Variants in CABP1 observed in about 807,000 individuals in gnomAD.
CABP1 encodes calcium-binding protein 1.
CABP1 carries 17 observed loss-of-function variants against 34.3 expected under a neutral mutation model. The observed-to-expected ratio is 0.50, with a 90% CI of 0.34 to 0.74. The LOEUF (loss-of-function observed/expected upper bound fraction) is 0.74, where lower values mean the gene tolerates loss of function less well. CABP1 is among the 30% of genes least tolerant of loss of function. The pLI is 0.01. For missense variants in CABP1, 373 were observed against 511.1 expected (o/e 0.73, Z 2.61); for synonymous variants, 198 against 229.2 (o/e 0.86, Z 1.23).
In CABP1 at chr12:120,644,915, G is replaced by A. The variant is rs141420830; in HGVS notation, c.654+3576G>A. On this transcript the variant is annotated intron_variant, in intron 1 of 5. Coordinates refer to ENST00000316803, the MANE Select transcript of CABP1 (RefSeq NM_001033677.2). ...TGCCTCCAAGATTCAAGCCATTCAC[G>A]TGCTTCAGCCTCCTGAATAGCTGGA... Among the ~76,000 whole-genome samples, 13 of 152,086 alleles carry A rather than the reference G, an allele frequency of 8.5e-5. 1 individual carries two copies. The highest frequency in any genetic ancestry group is 5.9e-4 in the Admixed American group (9 of 15,270).
At chr12:120,678,963 C>T in the CABP1 span, among the ~76,000 whole-genome samples, 1 of 148,834 alleles carries the variant, frequency 6.7e-6, no homozygotes, top group South Asian at 2.2e-4. Context: ...GTCGCAGCTA[C>T]TTGGGAGGCT....
chr12:120,641,121 C>G lies in CABP1; in HGVS notation c.436C>G (p.Arg146Gly), dbSNP rs1879298439. The change falls in exon 1 of 6, where the codon CGG (arginine) becomes GGG (glycine). Residue 146 changes from arginine (R) to glycine (G), a missense_variant. By Grantham distance (125) the Arg-to-Gly change is moderately radical. Transcript: ENST00000316803. The surrounding 1 kb of genome is among the most constrained non-coding windows in gnomAD (Gnocchi z 6.7). ...GCTCCCCCAGGCGCACTGCAGGCCC[C>G]GGGAGGCGCTGCCGGCCGCGGCGTC... ...RVLPQAHCRPREALPAAASRP... is the reference protein window; with the variant it reads ...RVLPQAHCRPGEALPAAASRP... 2 of 1,227,586 alleles carry G rather than the reference C, an allele frequency of 1.6e-6. No individual in the cohort carries two copies. Among genetic ancestry groups the G allele is most frequent in the Non-Finnish European group, 2.0e-6 (2 of 986,938 alleles). 76.0% of individuals were successfully genotyped at this position (1,227,586 alleles called of 1,614,324 possible).
At chr12:120,655,406 C>T in intron 1 of CABP1, 1 of 337,594 alleles carries the variant, frequency 3.0e-6, no homozygotes, top group Non-Finnish European at 4.3e-6. Context: ...GCACTCCAGC[C>T]TGGGCGACAG....
the CABP1 span, among the ~76,000 whole-genome samples, chr12:120,672,979 G>A: frequency 1.1e-4 from 16 of 152,238 alleles, no homozygotes; most frequent in African/African-American, 2.6e-4. Flanking sequence ...ACAGTGATCC[G>A]AGATCGTGCC....
At chr12:120,652,225 A>G (rs1160736448) in intron 1 of CABP1, among the ~76,000 whole-genome samples, 1 of 152,208 alleles carries the variant, frequency 6.6e-6, no homozygotes, top group Non-Finnish European at 1.5e-5. Context: ...CATCATAACC[A>G]TAATTGTTCC....
chr12:120,664,655 C>T (rs952707481), intron 5 of CABP1, among the ~76,000 whole-genome samples: 1 of 152,098 alleles, frequency 6.6e-6, no homozygotes, highest in African/African-American at 2.4e-5. Flanking sequence ...GGGCAGATCA[C>T]TTGATGTCAG....
At chr12:120,656,018 C>G (rs1258726219) in intron 1 of CABP1, 1 of 1,603,920 alleles carries the variant, frequency 6.2e-7, no homozygotes, top group Admixed American at 1.7e-5. Context: ...AAAGCCCCTC[C>G]CGGGACCAGG....
At chr12:120,650,606 G>A (rs1268790238) in intron 1 of CABP1, 8 of 1,613,554 alleles carry the variant, frequency 5.0e-6, no homozygotes, top group East Asian at 2.2e-5. Flanking sequence ...TCATGGACCC[G>A]GGGATCCCAA....
chr12:120,643,121 G>A (rs954001218), intron 1 of CABP1, among the ~76,000 whole-genome samples: 2 of 151,902 alleles, frequency 1.3e-5, no homozygotes, highest in African/African-American at 4.8e-5. Flanking sequence ...CAGTCATTAA[G>A]TGAATTCTCC....
chr12:120,680,121 A>G, the CABP1 span, among the ~76,000 whole-genome samples: 1 of 151,998 alleles, frequency 6.6e-6, no homozygotes, highest in South Asian at 2.1e-4. Context: ...TGCAGTGAGC[A>G]GAAATCACAC....
intron 1 of CABP1, chr12:120,655,439 AAGG>A (rs1880115999): frequency 7.2e-6 from 5 of 690,236 alleles, no homozygotes; most frequent in Middle Eastern, 6.8e-4. Context: ...ACACACGAAA[AAGG>A]AGGGGGCATG....
At chr12:120,646,861 C>T (rs1019057002) in intron 1 of CABP1, among the ~76,000 whole-genome samples, 2 of 152,204 alleles carry the variant, frequency 1.3e-5, no homozygotes, top group African/African-American at 4.8e-5. Context: ...CTCTGTCCCT[C>T]CTGCCTATCT....
chr12:120,662,232 C>G (rs1320010630), intron 5 of CABP1: 1 of 152,366 alleles, frequency 6.6e-6, no homozygotes, highest in African/African-American at 2.4e-5. Context: ...CTGACCACAG[C>G]TCACCTCCCC....
chr12:120,659,022 G>C (rs942200979), intron 1 of CABP1: 9 of 152,234 alleles, frequency 5.9e-5, no homozygotes, highest in Admixed American at 5.9e-4. Flanking sequence ...CTGCTCCTTG[G>C]AGATGTCTCT....
chr12:120,642,700 C>T (rs1239898274), intron 1 of CABP1, among the ~76,000 whole-genome samples: 1 of 152,144 alleles, frequency 6.6e-6, no homozygotes, highest in African/African-American at 2.4e-5. Context: ...GCTGCCAGGG[C>T]ACGAGTGGTC....
At chr12:120,669,194 A>G (rs1194538070), downstream of CABP1, among the ~76,000 whole-genome samples, 1 of 152,226 alleles carries the variant, frequency 6.6e-6, no homozygotes, top group Non-Finnish European at 1.5e-5. Flanking sequence ...GGGAATGTGC[A>G]GGATCGTGGG....
Position 120,661,382 on chromosome 12 carries a change from C to A in CABP1, c.1087+164C>A. 1.5e-6 allele frequency: 1 copy of A among 664,530 alleles called. No individual in the cohort carries two copies. The allele number at this position is 664,530 out of a possible 1,614,324, so 41.2% of individuals were successfully genotyped here. ...TCCATGCCCCCGTCTAATCCATCTC[C>A]CATCCCTTCCCCATGCATCTATTCA... On this transcript the variant is annotated intron_variant, in intron 5 of 5. Coordinates refer to ENST00000316803, the MANE Select transcript of CABP1 (RefSeq NM_001033677.2). This position sits in a 1 kb window ranked among gnomAD's most constrained non-coding sequence, Gnocchi z 5.1.
rs898640883 is a variant in CABP1, at chr12:120,641,869, G to T, written c.654+530G>T. The stretch of plus-strand genomic sequence containing the variant: ...AAAGTTAGGAGATCCAAAAATATGA[G>T]GAAAGAGAAGAGGTGTCTGGGTAGG... On this transcript the variant is annotated intron_variant, in intron 1 of 5. Transcript: ENST00000316803. The surrounding 1 kb of genome is among the most constrained non-coding windows in gnomAD (Gnocchi z 6.7). Among the ~76,000 whole-genome samples the T allele has an allele frequency of 2.0e-5, 3 of 152,200 alleles. No homozygotes were observed. The highest frequency in any genetic ancestry group is 2.9e-5 in the Non-Finnish European group (2 of 68,038).
intron 1 of CABP1, among the ~76,000 whole-genome samples, chr12:120,654,672 TGCAGGCC>T (rs1565997371): frequency 5.3e-5 from 8 of 151,166 alleles, no homozygotes; most frequent in Admixed American, 1.3e-4. Context: ...GAAGGCAGAG[TGCAGGCC>T]GAAGGCAGAG....
Sources: allele counts gnomAD v4.1 joint callset (sites outside exome capture counted in the v4.1 genomes callset), GRCh38; gene constraint gnomAD v4.1.1; non-coding constraint Gnocchi (gnomAD v3.1); transcripts MANE v1.5; gene names NCBI Gene and HGNC (gene_info 2026-07-23, HGNC 2026-07-21).